DLGAP1: variants seen among roughly 807,000 people sequenced by gnomAD.
The protein encoded by DLGAP1 is DLG associated protein 1.
Under a neutral mutation model 90.8 loss-of-function variants are expected in DLGAP1, and 11 were observed. The observed-to-expected ratio is 0.12, with a 90% CI of 0.08 to 0.20. The LOEUF (loss-of-function observed/expected upper bound fraction) is 0.20. Among genes scored for constraint, DLGAP1 ranks in the 10% least tolerant of loss-of-function variants. DLGAP1 has a pLI of 1.00. For synonymous variants in DLGAP1, 558 were observed against 540.7 expected (o/e 1.03, Z -0.44); for missense variants, 1,050 against 1,333.8 (o/e 0.79, Z 3.31).
intron 2 of DLGAP1, among the ~76,000 whole-genome samples, chr18:4,114,854 A>G (rs1005937328): frequency 6.6e-6 from 1 of 152,102 alleles, no homozygotes; most frequent in African/African-American, 2.4e-5. Flanking sequence ...TGAATGTAAA[A>G]TGTGTCCTGT....
intron 1 of DLGAP1, among the ~76,000 whole-genome samples, chr18:4,402,030 G>C (rs1405150448): frequency 6.6e-6 from 1 of 152,186 alleles, no homozygotes; most frequent in South Asian, 2.1e-4. Flanking sequence ...CACAGACAGG[G>C]AGAGTAAAGT....
chr18:3,907,269 A>C lies in DLGAP1; in HGVS notation c.-72-27129T>G, dbSNP rs73940271. ...TATTCTACTCTATTTGATCTTTCCT[A>C]GCCTATATCCTCTTCTGTTTCACTT... is the stretch of plus-strand genomic sequence containing the variant. On this transcript the variant is annotated intron_variant, in intron 3 of 12. Coordinates refer to ENST00000315677, the MANE Select transcript of DLGAP1 (RefSeq NM_004746.4). Among the ~76,000 whole-genome samples the C allele has an allele frequency of 4.8e-3, 731 of 152,284 alleles. 3 individuals are homozygous for C. The highest frequency in any genetic ancestry group is 0.016 in the African/African-American group (683 of 41,574).
chr18:4,164,229 T>C (rs376706788), intron 1 of DLGAP1, among the ~76,000 whole-genome samples: 2 of 151,828 alleles, frequency 1.3e-5, no homozygotes, highest in African/African-American at 2.4e-5. Flanking sequence ...AGGCCCAAGA[T>C]ACCATTAAAA....
At chr18:4,016,608 T>C (rs771335468) in intron 2 of DLGAP1, among the ~76,000 whole-genome samples, 3 of 152,238 alleles carry the variant, frequency 2.0e-5, no homozygotes, top group Non-Finnish European at 4.4e-5. Flanking sequence ...GGAGGCTCTA[T>C]TGCTCAAGTT....
intron 3 of DLGAP1, among the ~76,000 whole-genome samples, chr18:3,888,755 G>A (rs1281293800): frequency 2.6e-5 from 4 of 152,210 alleles, no homozygotes; most frequent in Admixed American, 2.0e-4. Flanking sequence ...TGAGCAAAAT[G>A]TCATAGGATT....
intron 1 of DLGAP1, among the ~76,000 whole-genome samples, chr18:4,393,849 C>T (rs1327765301): frequency 1.3e-5 from 2 of 152,300 alleles, no homozygotes; most frequent in Non-Finnish European, 2.9e-5. Flanking sequence ...AAGCGTTCAA[C>T]CTAGATCCCT....
At chr18:4,405,629 G>T (rs2082646260) in intron 1 of DLGAP1, among the ~76,000 whole-genome samples, 1 of 151,976 alleles carries the variant, frequency 6.6e-6, no homozygotes, top group Non-Finnish European at 1.5e-5. Context: ...CTATTGTTCT[G>T]AAGATTGACA....
At chr18:3,953,270 T>C (rs1233503989) in intron 3 of DLGAP1, among the ~76,000 whole-genome samples, 2 of 152,186 alleles carry the variant, frequency 1.3e-5, no homozygotes. Flanking sequence ...GCCTTCAGCA[T>C]ACCCATCACC....
At chr18:4,062,283 C>T (rs2075309926) in intron 2 of DLGAP1, among the ~76,000 whole-genome samples, 1 of 152,100 alleles carries the variant, frequency 6.6e-6, no homozygotes, top group Admixed American at 6.6e-5. Context: ...GGTTATTTTA[C>T]CAGGGCTTTA....
intron 1 of DLGAP1, among the ~76,000 whole-genome samples, chr18:4,268,697 T>C (rs772474680): frequency 3.9e-5 from 6 of 152,206 alleles, no homozygotes; most frequent in Non-Finnish European, 8.8e-5. Context: ...ATAGAAACTA[T>C]TATTTTGGGA....
At chr18:3,726,765 C>T (rs1427027377) in intron 7 of DLGAP1, among the ~76,000 whole-genome samples, 10 of 152,156 alleles carry the variant, frequency 6.6e-5, no homozygotes, top group Admixed American at 6.5e-4. Flanking sequence ...CATCACCAAC[C>T]CCAGGGGCAA....
intron 1 of DLGAP1, among the ~76,000 whole-genome samples, chr18:4,269,681 G>A (rs963686225): frequency 7.9e-5 from 12 of 151,854 alleles, no homozygotes; most frequent in Non-Finnish European, 1.2e-4. Flanking sequence ...TATTTTCACC[G>A]AGAAATAAAA....
chr18:4,073,904 T>C (rs536661538), intron 2 of DLGAP1, among the ~76,000 whole-genome samples: 72 of 152,126 alleles, frequency 4.7e-4, no homozygotes, highest in African/African-American at 1.6e-3. Flanking sequence ...CTTTTTAAAA[T>C]AGATAAAATG....
chr18:3,752,434 A>G (rs2063537041), intron 5 of DLGAP1, among the ~76,000 whole-genome samples: 1 of 151,940 alleles, frequency 6.6e-6, no homozygotes, highest in Non-Finnish European at 1.5e-5. Flanking sequence ...CTTCATGTAC[A>G]TGGAATCATA....
intron 2 of DLGAP1, among the ~76,000 whole-genome samples, chr18:4,090,973 T>C (rs933367159): frequency 5.3e-5 from 8 of 152,166 alleles, no homozygotes; most frequent in African/African-American, 1.9e-4. Flanking sequence ...GTCCTTATCC[T>C]CAGCAAACTA....
intron 2 of DLGAP1, among the ~76,000 whole-genome samples, chr18:4,060,176 T>C (rs1168643001): frequency 6.6e-6 from 1 of 152,162 alleles, no homozygotes; most frequent in Non-Finnish European, 1.5e-5. Flanking sequence ...AAATCAGACA[T>C]TGTCATTAAT....
At chr18:3,606,687 T>G (rs1384057548) in intron 7 of DLGAP1, 2 of 152,214 alleles carry the variant, frequency 1.3e-5, no homozygotes, top group Non-Finnish European at 2.9e-5. Context: ...AGCCACGTAA[T>G]GGGATTACGG....
chr18:3,641,494 A>C (rs1244644515), intron 7 of DLGAP1, among the ~76,000 whole-genome samples: 1 of 145,994 alleles, frequency 6.8e-6, no homozygotes, highest in Non-Finnish European at 1.5e-5. Flanking sequence ...CTGAGATGGC[A>C]CCATTGCACT....
chr18:3,629,696 AAAAT>A (rs1217682740), intron 7 of DLGAP1, among the ~76,000 whole-genome samples: 8 of 151,264 alleles, frequency 5.3e-5, no homozygotes, highest in African/African-American at 1.7e-4. Context: ...TAAATAAATA[AAAAT>A]AAATAAAAAA....
Sources: allele counts gnomAD v4.1 joint callset (sites outside exome capture counted in the v4.1 genomes callset), GRCh38; gene constraint gnomAD v4.1.1; transcripts MANE v1.5; gene names NCBI Gene and HGNC (gene_info 2026-07-23, HGNC 2026-07-21).